Variants in COL25A1 observed in about 807,000 individuals in gnomAD.
The protein encoded by COL25A1 is collagen type XXV alpha 1 chain.
A neutral mutation model predicts 128.4 loss-of-function variants in COL25A1; 103 were observed. The observed-to-expected ratio is 0.80, with a 90% CI of 0.68 to 0.94. The LOEUF (loss-of-function observed/expected upper bound fraction) is 0.94, where lower values mean the gene tolerates loss of function less well. Ranked by LOEUF, COL25A1 falls within the 40% of genes least tolerant of loss-of-function variation. COL25A1 has a pLI of 0.00. For synonymous variants in COL25A1, 279 were observed against 277.2 expected (o/e 1.01, Z -0.06); for missense variants, 745 against 840.0 (o/e 0.89, Z 1.40).
At chr4:109,090,252 C>T (rs562162374) in intron 3 of COL25A1, among the ~76,000 whole-genome samples, 4 of 152,308 alleles carry the variant, frequency 2.6e-5, no homozygotes, top group African/African-American at 7.2e-5. Context: ...ATAATTCCTA[C>T]TTTAGCAAAC....
intron 3 of COL25A1, among the ~76,000 whole-genome samples, chr4:109,169,139 T>C (rs1773347785): frequency 6.6e-6 from 1 of 152,198 alleles, no homozygotes; most frequent in South Asian, 2.1e-4. Flanking sequence ...ACTACGTCTC[T>C]AGCCTCAGCT....
intron 6 of COL25A1, among the ~76,000 whole-genome samples, chr4:108,995,749 A>G (rs1388311031): frequency 6.6e-6 from 1 of 152,246 alleles, no homozygotes; most frequent in Non-Finnish European, 1.5e-5. Context: ...AGGGAAGCCC[A>G]TCAGACTAAC....
At chr4:108,889,148 A>G (rs1236754127) in intron 18 of COL25A1, 73 bp downstream of exon 18, 5 of 1,260,008 alleles carry the variant, frequency 4.0e-6, no homozygotes, top group Non-Finnish European at 5.7e-6. Context: ...TTGTTTTCAT[A>G]TTACACAGTG....
intron 3 of COL25A1, among the ~76,000 whole-genome samples, chr4:109,080,900 C>T (rs1073691): frequency 0.23 from 35,187 of 152,036 alleles, 5,263 homozygotes; most frequent in African/African-American, 0.41. Flanking sequence ...TCATATGATA[C>T]GCCAAGCATT....
intron 3 of COL25A1, among the ~76,000 whole-genome samples, chr4:109,063,502 CAA>C (rs34484812): frequency 1.8e-4 from 19 of 107,834 alleles, no homozygotes; most frequent in Admixed American, 2.7e-4. Flanking sequence ...GACTCCAACT[CAA>C]AAAAAAAAAA....
chr4:109,299,079 T>C (rs926435381), intron 3 of COL25A1, among the ~76,000 whole-genome samples: 2 of 152,240 alleles, frequency 1.3e-5, no homozygotes, highest in Admixed American at 1.3e-4. Context: ...GTTGTGGTTG[T>C]CACTTTTCTA....
At chr4:108,950,088 G>C (rs1279961793) in intron 8 of COL25A1, among the ~76,000 whole-genome samples, 1 of 152,030 alleles carries the variant, frequency 6.6e-6, no homozygotes, top group East Asian at 1.9e-4. Flanking sequence ...TTTTCCTCTT[G>C]TATTTTTTCA....
rs1725418448 is a variant in COL25A1 at position 109,300,598 on chromosome 4, A to G, written c.352T>C (p.Cys118Arg). The change falls in exon 3 of 38, where the codon TGT becomes CGT. Residue 118 changes from cysteine to arginine, a missense_variant. This residue lies in a region of COL25A1 where 319 missense variants were observed against 324.9 expected (regional missense o/e 0.98). Transcript: ENST00000399132. ...TCCATTTTACCTGCTGGGCAGTTAC[A>G]TTCTGAAGGTGCTTCTCTTGCGATT... ...IRIAREAPSE[C>R]NCPAGPPGKR... is the part of the protein sequence containing the mutation. 1.2e-6 allele frequency: 2 copies of G among 1,611,536 alleles called. No homozygotes were observed. Among genetic ancestry groups the G allele is most frequent in the Non-Finnish European group, 1.7e-6 (2 of 1,177,632 alleles).
intron 3 of COL25A1, among the ~76,000 whole-genome samples, chr4:109,269,568 A>G (rs1242331810): frequency 1.3e-5 from 2 of 149,830 alleles, no homozygotes; most frequent in Non-Finnish European, 2.9e-5. Context: ...AAGTGTTCCT[A>G]TTTCTCCACA....
chr4:109,245,513 A>G (rs905678210), intron 3 of COL25A1, among the ~76,000 whole-genome samples: 1 of 152,176 alleles, frequency 6.6e-6, no homozygotes, highest in Non-Finnish European at 1.5e-5. Context: ...AGAGTACCAG[A>G]CAAGCAGGGA....
chr4:108,881,683 T>C (rs1010968484), intron 19 of COL25A1, among the ~76,000 whole-genome samples: 1 of 102,522 alleles, frequency 9.8e-6, no homozygotes, highest in Non-Finnish European at 2.1e-5. Flanking sequence ...AAGAAAACTA[T>C]GTCATAAAAT....
At chr4:109,185,528 A>G (rs560475780) in intron 3 of COL25A1, among the ~76,000 whole-genome samples, 13 of 152,326 alleles carry the variant, frequency 8.5e-5, no homozygotes, top group African/African-American at 3.1e-4. Flanking sequence ...TTTTTTGGAA[A>G]GAATTTCTAT....
At chr4:109,222,442 T>C (rs1405470569) in intron 3 of COL25A1, among the ~76,000 whole-genome samples, 1 of 152,170 alleles carries the variant, frequency 6.6e-6, no homozygotes, top group Non-Finnish European at 1.5e-5. Flanking sequence ...TCAGAGAAAC[T>C]TGCTAAACTA....
intron 6 of COL25A1, among the ~76,000 whole-genome samples, chr4:109,000,743 CAAA>C (rs1180104512): frequency 1.1e-4 from 4 of 36,428 alleles, no homozygotes; most frequent in African/African-American, 6.9e-4. Flanking sequence ...GAGACTCTGT[CAAA>C]AAAAAAAAAA....
intron 13 of COL25A1, among the ~76,000 whole-genome samples, chr4:108,914,899 T>A (rs1436545493): frequency 6.6e-6 from 1 of 152,182 alleles, no homozygotes. Context: ...AATATTCACT[T>A]TAGATATATT....
At chr4:109,061,304 T>C (rs1010927131) in intron 3 of COL25A1, among the ~76,000 whole-genome samples, 3 of 152,184 alleles carry the variant, frequency 2.0e-5, no homozygotes. Context: ...TTGATTCTTG[T>C]TGTGATAGAA....
chr4:109,175,700 T>C (rs1774029707), intron 3 of COL25A1, among the ~76,000 whole-genome samples: 1 of 152,350 alleles, frequency 6.6e-6, no homozygotes, highest in East Asian at 1.9e-4. Context: ...TCAATATCTA[T>C]TGAACTTTTA....
At position 109,256,085 on chromosome 4, in the gene COL25A1, G is replaced by GGTGTGTGTGTGTGTGTGTGTGTGTGT. The variant is rs60794002; in HGVS notation, c.367+44472_367+44497dup. ...TGTGGATATTAACATTTTAAGCATT[G>GGTGTGTGTGTGTGTGTGTGTGTGTGT]GTGTGTGTGTGTGTGTGTGTGTGTG... On this transcript the variant is annotated intron_variant, in intron 3 of 37. Coordinates refer to ENST00000399132, the MANE Select transcript of COL25A1 (RefSeq NM_198721.4). Among the ~76,000 whole-genome samples the GGTGTGTGTGTGTGTGTGTGTGTGTGT allele has an allele frequency of 1.8e-3, 258 of 143,314 alleles. 2 individuals carry two copies. Among genetic ancestry groups the GGTGTGTGTGTGTGTGTGTGTGTGTGT allele is most frequent in the African/African-American group, 6.2e-3 (235 of 37,898 alleles). 94.0% of individuals were successfully genotyped at this position (143,314 alleles called of 152,430 possible).
intron 19 of COL25A1, among the ~76,000 whole-genome samples, chr4:108,873,762 C>A (rs551261127): frequency 2.0e-5 from 3 of 152,178 alleles, no homozygotes; most frequent in Non-Finnish European, 1.5e-5. Context: ...TATCCATCTG[C>A]CAGAGCAGTT....
Sources: gnomAD v4.1 joint callset for allele counts (sites outside exome capture counted in the v4.1 genomes callset) on GRCh38, gnomAD v4.1.1 for gene constraint, gnomAD v4.1.1 regional missense constraint, MANE v1.5 for transcripts, NCBI Gene and HGNC (gene_info 2026-07-23, HGNC 2026-07-21) for gene names.